The following SPTLC3 variants were observed in gnomAD, a reference collection of about 807,000 sequenced individuals.
SPTLC3 encodes serine palmitoyltransferase long chain base subunit 3, also known as serine palmitoyltransferase 3.
Under a neutral mutation model 59.3 loss-of-function variants are expected in SPTLC3, and 36 were observed. The ratio of observed to expected loss-of-function variants is 0.61; its 90% CI spans 0.47 to 0.80. The LOEUF is 0.80. Ranked by LOEUF, SPTLC3 falls within the 30% of genes least tolerant of loss-of-function variation. The pLI, the probability that SPTLC3 is intolerant of heterozygous loss-of-function variation, is 0.00. For synonymous variants in SPTLC3, 257 were observed against 240.8 expected, an observed-to-expected ratio of 1.07 and a Z score of -0.62; for missense variants, 625 against 685.1, an observed-to-expected ratio of 0.91 and a Z score of 0.98.
chr20:13,013,246 A>G (rs577354214), intron 1 of SPTLC3, among the ~76,000 whole-genome samples: 1 of 152,308 alleles, frequency 6.6e-6, no homozygotes, highest in Non-Finnish European at 1.5e-5. Context: ...ATCCTCTTGA[A>G]GTCTGCAATA....
chr20:13,049,111 T>A lies in SPTLC3; in HGVS notation c.284T>A (p.Val95Glu), dbSNP rs768657920. The part of the protein sequence containing the change: ...NWGIEKCNAA[V>E]ERKEQKDFVP... ...GGAATAGAAAAATGCAACGCAGCTG[T>A]GGAAAGAAAAGAACAAAAAGTACGT... Residue 95 changes from valine to glutamate, a missense_variant, in exon 2 of 12, where the codon GTG becomes GAG. Transcript: ENST00000399002. The A allele has an allele frequency of 1.2e-6, 2 of 1,613,662 alleles. No individual in the cohort carries two copies. The highest frequency in any genetic ancestry group is 2.2e-5 in the South Asian group (2 of 91,002).
intron 8 of SPTLC3, among the ~76,000 whole-genome samples, chr20:13,120,835 C>T (rs1990865515): frequency 6.6e-6 from 1 of 152,234 alleles, no homozygotes; most frequent in Non-Finnish European, 1.5e-5. Context: ...CTCAAGGAAA[C>T]TGCTAACAGT....
chr20:13,112,921 GC>G (rs1990318467), intron 7 of SPTLC3, among the ~76,000 whole-genome samples: 2 of 152,194 alleles, frequency 1.3e-5, no homozygotes, highest in Non-Finnish European at 2.9e-5. Flanking sequence ...AGTGGCTCAT[GC>G]CTGTAATCCT....
chr20:13,144,034 C>T (rs1021827533), intron 9 of SPTLC3, among the ~76,000 whole-genome samples: 1 of 152,156 alleles, frequency 6.6e-6, no homozygotes, highest in African/African-American at 2.4e-5. Flanking sequence ...GCTTCCAGGG[C>T]TCTCTAATAC....
Position 13,132,457 on chromosome 20 carries a change from G to A in SPTLC3, c.1279+5740G>A, listed in dbSNP as rs193207794. 7.2e-5 allele frequency among the ~76,000 whole-genome samples: 11 copies of A among 152,192 alleles called. No individual in the cohort carries two copies. The East Asian group carries it at 1.7e-3, about 24-fold the overall frequency. On this transcript the variant is annotated intron_variant, in intron 9 of 11. Transcript: ENST00000399002. Reference sequence around the variant, plus strand: ...CTCCCAAAGTACTGGGATTACAGGCGTGAGGACCGCACCCAGCCGCTTTAA... The same window carrying A: ...CTCCCAAAGTACTGGGATTACAGGCATGAGGACCGCACCCAGCCGCTTTAA...
intron 1 of SPTLC3, among the ~76,000 whole-genome samples, chr20:13,029,854 C>T (rs1453227609): frequency 6.6e-6 from 1 of 152,120 alleles, no homozygotes; most frequent in Non-Finnish European, 1.5e-5. Context: ...TCCTAATAAA[C>T]ACACAGAGAA....
intron 6 of SPTLC3, among the ~76,000 whole-genome samples, chr20:13,103,862 ATGTC>A (rs1367231184): frequency 6.6e-6 from 1 of 152,174 alleles, no homozygotes; most frequent in Admixed American, 6.5e-5. Context: ...GGAAAGCTAA[ATGTC>A]TGGGTTTTTT....
chr20:13,162,982 A>G (rs1477904760), intron 11 of SPTLC3, among the ~76,000 whole-genome samples: 3 of 152,146 alleles, frequency 2.0e-5, no homozygotes, highest in Non-Finnish European at 4.4e-5. Flanking sequence ...GCAGACATTA[A>G]CATAAATTCT....
At chr20:13,085,740 T>C (rs1166643358) in intron 4 of SPTLC3, among the ~76,000 whole-genome samples, 3 of 152,236 alleles carry the variant, frequency 2.0e-5, no homozygotes, top group African/African-American at 7.2e-5. Context: ...AAAAATTCAG[T>C]AGACATGCAT....
At chr20:13,100,970 G>A (rs6131440) in intron 6 of SPTLC3, among the ~76,000 whole-genome samples, 2 of 74,244 alleles carry the variant, frequency 2.7e-5, no homozygotes, top group South Asian at 3.6e-4. Context: ...GGAAGCACCA[G>A]TAGGTGAGCA....
chr20:13,117,840 T>G, intron 8 of SPTLC3, 115 bp downstream of exon 8: 1 of 959,490 alleles, frequency 1.0e-6, no homozygotes, highest in Non-Finnish European at 1.5e-6. Flanking sequence ...CCTCAGCTGA[T>G]CACTCCAGCC....
Position 13,163,122 on chromosome 20 carries a change from C to T in SPTLC3, c.1546-1632C>T, listed in dbSNP as rs150557745. 7.0e-3 allele frequency among the ~76,000 whole-genome samples: 1,062 copies of T among 152,146 alleles called. 17 individuals are homozygous for T. The highest frequency in any genetic ancestry group is 0.024 in the African/African-American group (980 of 41,498). ...GTGGCTCACGCCTATAATCCCAGCACTTTGGGAGGTTGAGGTGGGCGGATG... is the reference window on the plus strand; with the variant it reads ...GTGGCTCACGCCTATAATCCCAGCATTTTGGGAGGTTGAGGTGGGCGGATG... On this transcript the variant is annotated intron_variant, in intron 11 of 11. Transcript: ENST00000399002.
rs2123025937 is a variant in SPTLC3 at position 13,167,072 on chromosome 20, T to G, written c.*2205T>G. 6.6e-6 allele frequency: 1 copy of G among 152,304 alleles called. No homozygotes were observed. The highest frequency in any genetic ancestry group is 1.9e-4 in the East Asian group (1 of 5,190). The allele number at this position is 152,304 out of a possible 1,614,324, so 9.4% of individuals were successfully genotyped here. ...ATGAGAACAACTGTTGATATACAGG[T>G]ATAATCCAAGTAGAATGCTTCCACA... On this transcript the variant is annotated 3_prime_UTR_variant, in exon 12 of 12. Transcript: ENST00000399002.
At chr20:13,058,378 C>A (rs1440433492) in intron 2 of SPTLC3, among the ~76,000 whole-genome samples, 1 of 151,140 alleles carries the variant, frequency 6.6e-6, no homozygotes, top group Non-Finnish European at 1.5e-5. Context: ...AGATCCGAAC[C>A]CAAAGTTTCA....
chr20:13,106,986 G>A (rs140388575), intron 6 of SPTLC3, among the ~76,000 whole-genome samples: 1 of 152,324 alleles, frequency 6.6e-6, no homozygotes, highest in East Asian at 1.9e-4. Flanking sequence ...GAACTCAAAT[G>A]AGGTGGAAAA....
At chr20:13,032,263 A>G (rs1986515345) in intron 1 of SPTLC3, among the ~76,000 whole-genome samples, 1 of 152,204 alleles carries the variant, frequency 6.6e-6, no homozygotes, top group African/African-American at 2.4e-5. Flanking sequence ...AAGGATAGCC[A>G]CTTAGCTCTA....
Position 13,165,131 on chromosome 20 carries a change from TA to T in SPTLC3, c.*265del. On this transcript the variant is annotated 3_prime_UTR_variant, in exon 12 of 12. Transcript: ENST00000399002. ...ACACACACACACACACTTCTGAGAA[TA>T]TTTTTAATGGCAATAAGCCTGTGTT... The T allele has an allele frequency of 5.5e-6, 2 of 365,046 alleles. No homozygotes were observed. The highest frequency in any genetic ancestry group is 9.9e-6 in the Non-Finnish European group (2 of 201,926). The allele number at this position is 365,046 out of a possible 1,614,324, so 22.6% of individuals were successfully genotyped here. A position where few individuals can be genotyped will look rare whatever the true frequency, so the allele number is the denominator to read the frequency against.
intron 1 of SPTLC3, among the ~76,000 whole-genome samples, chr20:13,028,993 G>C (rs6041776): frequency 0.086 from 13,169 of 152,280 alleles, 758 homozygotes; most frequent in African/African-American, 0.16. Flanking sequence ...CCCTTTGCCT[G>C]TAACACTGTA....
At chr20:13,130,131 C>G (rs1376542946) in intron 9 of SPTLC3, among the ~76,000 whole-genome samples, 1 of 152,212 alleles carries the variant, frequency 6.6e-6, no homozygotes, top group Non-Finnish European at 1.5e-5. Context: ...CAGTGAAAGT[C>G]ATACAGTGAA....
Sources: gnomAD v4.1 joint callset for allele counts (sites outside exome capture counted in the v4.1 genomes callset) on GRCh38, gnomAD v4.1.1 for gene constraint, MANE v1.5 for transcripts, NCBI Gene and HGNC (gene_info 2026-07-23, HGNC 2026-07-21) for gene names.